Variants in RHOBTB3 observed in about 807,000 individuals in gnomAD.
RHOBTB3 encodes Rho related BTB domain containing 3, also known as rho-related BTB domain-containing protein 3.
In RHOBTB3, 47 loss-of-function variants were observed where a neutral mutation model predicts 67.2. The ratio of observed to expected loss-of-function variants is 0.70; its 90% CI spans 0.55 to 0.89. The LOEUF (loss-of-function observed/expected upper bound fraction) is 0.89. Ranked by LOEUF, RHOBTB3 falls within the 40% of genes least tolerant of loss-of-function variation. The probability of loss-of-function intolerance (pLI) is 0.00; values close to 1 mark genes in which losing one functional copy is unlikely to be tolerated. For synonymous variants in RHOBTB3, 273 were observed against 274.2 expected (o/e 1.00, Z 0.04); for missense variants, 631 against 750.0 (o/e 0.84, Z 1.85).
intron 8 of RHOBTB3, 112 bp from the exon 9 acceptor site, chr5:95,780,140 T>G: frequency 1.4e-6 from 1 of 729,824 alleles, no homozygotes; most frequent in South Asian, 2.2e-5. Context: ...ATTCAGATTC[T>G]GCATATCAGC....
chr5:95,755,661 T>G lies in RHOBTB3; in HGVS notation c.948T>G (p.Gly316=), dbSNP rs1253253021. ...FAINRDTAFP[G]ASHESSGNPP... The stretch of plus-strand genomic sequence containing the variant: ...TAAACAGAGATACTGCATTTCCAGG[T>G]GCTAGCCATGAATCTTCAGGCAACC... The change falls in exon 6 of 12, where the codon GGT becomes GGG. Residue 316 remains glycine (G), a synonymous_variant. Transcript: ENST00000379982. 1 of 1,614,202 alleles carries G rather than the reference T, an allele frequency of 6.2e-7. No homozygotes were observed. Among genetic ancestry groups the G allele is most frequent in the Non-Finnish European group, 8.5e-7 (1 of 1,180,036 alleles).
chr5:95,753,223 T>G lies in RHOBTB3; in HGVS notation c.682+873T>G, dbSNP rs574317938. On this transcript the variant is annotated intron_variant, in intron 5 of 11. Coordinates refer to ENST00000379982, the MANE Select transcript of RHOBTB3 (RefSeq NM_014899.4). The stretch of plus-strand genomic sequence containing the variant: ...TTCAGCTGTGTGTATGTGTGTGTGT[T>G]GATGTGTGGATGTGTGTGTGTGTGT... Among the ~76,000 whole-genome samples the G allele has an allele frequency of 9.1e-4, 125 of 136,672 alleles. No homozygotes were observed. The East Asian group carries it at 0.01, about 11-fold the overall frequency. The allele number at this position is 136,672 out of a possible 152,430, so 89.7% of individuals were successfully genotyped here.
At chr5:95,791,914 A>G (rs1341196532) in intron 11 of RHOBTB3, among the ~76,000 whole-genome samples, 1 of 152,058 alleles carries the variant, frequency 6.6e-6, no homozygotes, top group Non-Finnish European at 1.5e-5. Flanking sequence ...TAGAATGCCT[A>G]ACTGTCTGGG....
intron 3 of RHOBTB3, among the ~76,000 whole-genome samples, chr5:95,741,150 A>G (rs2042186): frequency 0.049 from 7,521 of 152,042 alleles, 270 homozygotes; most frequent in Non-Finnish European, 0.073. Flanking sequence ...AACACGGTGA[A>G]ACCCGGTCTC....
At chr5:95,779,182 T>C (rs1745978438) in intron 8 of RHOBTB3, among the ~76,000 whole-genome samples, 2 of 152,228 alleles carry the variant, frequency 1.3e-5, no homozygotes, top group Admixed American at 6.5e-5. Context: ...GTGGGTAAAC[T>C]CTTGGGCAGG....
intron 3 of RHOBTB3, 121 bp from the exon 4 acceptor site, chr5:95,748,212 T>C (rs1471720331): frequency 3.3e-6 from 2 of 598,032 alleles, no homozygotes; most frequent in South Asian, 5.9e-5. Context: ...GTGGATATAC[T>C]GAATGCTTTT....
chr5:95,788,740 T>A (rs1746293662), intron 10 of RHOBTB3, 22 bp from the exon 11 acceptor site: 1 of 1,511,180 alleles, frequency 6.6e-7, no homozygotes, highest in African/African-American at 1.4e-5. Flanking sequence ...CAATATTATT[T>A]CACTTTTCAT....
At chr5:95,784,438 G>A (rs1390840342) in intron 10 of RHOBTB3, among the ~76,000 whole-genome samples, 1 of 152,152 alleles carries the variant, frequency 6.6e-6, no homozygotes, top group African/African-American at 2.4e-5. Context: ...GTTGTATGTA[G>A]GAGATATTGG....
chr5:95,752,102 T>TA, intron 4 of RHOBTB3, 137 bp from the exon 5 acceptor site: 1 of 586,844 alleles, frequency 1.7e-6, no homozygotes, highest in Non-Finnish European at 3.0e-6. Context: ...AAACATTGTT[T>TA]ATATGTGTTT....
intron 2 of RHOBTB3, chr5:95,732,433 C>T (rs1755315257): frequency 1.9e-6 from 1 of 533,934 alleles, no homozygotes; most frequent in Non-Finnish European, 3.3e-6. Context: ...TTTTTTATGT[C>T]TACCCTATGG....
chr5:95,783,971 A>G lies in RHOBTB3; in HGVS notation c.1623+8A>G, dbSNP rs1561456541. On this transcript the variant is annotated splice_region_variant and intron_variant, in intron 10 of 11. Transcript: ENST00000379982. Reference sequence around the variant, plus strand: ...CTGCTTAAAAAGGCCAAGGTAATTGACTCTGTGTATCTGATAGCCTAGTTT... The same window carrying G: ...CTGCTTAAAAAGGCCAAGGTAATTGGCTCTGTGTATCTGATAGCCTAGTTT... 6.3e-7 allele frequency: 1 copy of G among 1,599,290 alleles called. No homozygotes were observed. The highest frequency in any genetic ancestry group is 1.1e-5 in the South Asian group (1 of 88,606).
In RHOBTB3 at chr5:95,794,597, C is replaced by G. The variant is rs1746517068; in HGVS notation, c.*1423C>G. Reference sequence around the variant, plus strand: ...TAGAGAAATAATTATATCAGAAACTCACAAACCTAGACATGGAAAAACAGA... The same window carrying G: ...TAGAGAAATAATTATATCAGAAACTGACAAACCTAGACATGGAAAAACAGA... On this transcript the variant is annotated 3_prime_UTR_variant, in exon 12 of 12. Coordinates refer to ENST00000379982, the MANE Select transcript of RHOBTB3 (RefSeq NM_014899.4). 1 of 152,230 alleles carries G rather than the reference C, an allele frequency of 6.6e-6. No homozygotes were observed. The highest frequency in any genetic ancestry group is 1.5e-5 in the Non-Finnish European group (1 of 68,074). 9.4% of individuals were successfully genotyped at this position (152,230 alleles called of 1,614,324 possible).
intron 8 of RHOBTB3, chr5:95,769,600 A>AAC (rs1193389199): frequency 5.9e-6 from 1 of 168,658 alleles, no homozygotes; most frequent in Non-Finnish European, 1.3e-5. Flanking sequence ...ACGGTGGAAA[A>AAC]ACACTGAATG....
At chr5:95,731,804 A>T in intron 1 of RHOBTB3, 55 bp from the exon 2 acceptor site, 1 of 1,601,880 alleles carries the variant, frequency 6.2e-7, no homozygotes, top group South Asian at 1.1e-5. Context: ...TTCCGAGGAG[A>T]GACCCGCGCG....
rs1309792844 is a variant in RHOBTB3 at position 95,780,370 on chromosome 5, C to G, written c.1401C>G (p.Ser467=). 1 of 1,614,050 alleles carries G rather than the reference C, an allele frequency of 6.2e-7. No individual in the cohort carries two copies. Residue 467 remains serine, a synonymous_variant, in exon 9 of 12, where the codon TCC becomes TCG. Transcript: ENST00000379982. ...KSVLIPVYGV[S]KETFLSFLEY... is the part of the protein sequence containing the mutation. ...TCCTGATTCCCGTTTATGGTGTTTC[C>G]AAAGAGACTTTCTTGTCATTTTTAG...
At chr5:95,779,110 A>G (rs1044376678) in intron 8 of RHOBTB3, among the ~76,000 whole-genome samples, 4 of 152,206 alleles carry the variant, frequency 2.6e-5, no homozygotes, top group East Asian at 1.9e-4. Flanking sequence ...GAAGAACCCA[A>G]TAATTGTAAA....
intron 1 of RHOBTB3, among the ~76,000 whole-genome samples, chr5:95,724,833 G>A (rs449732): frequency 0.5 from 75,466 of 151,874 alleles, 19,437 homozygotes; most frequent in East Asian, 0.91. Context: ...AATTAAATGA[G>A]TCAAAATTTG....
chr5:95,763,605 A>G lies in RHOBTB3; in HGVS notation c.1146A>G (p.Leu382=), dbSNP rs539979625. The G allele has an allele frequency of 6.3e-7, 1 of 1,595,170 alleles. No homozygotes were observed. The highest frequency in any genetic ancestry group is 2.2e-5 in the East Asian group (1 of 44,658). The change falls in exon 7 of 12, where the codon TTA becomes TTG. Residue 382 remains leucine, a synonymous_variant. Coordinates refer to ENST00000379982, the MANE Select transcript of RHOBTB3 (RefSeq NM_014899.4). The part of the protein sequence containing the change: ...SNVIEKVKCI[L]KTPGKINCLR... ...TAATCGAGAAAGTTAAATGCATTTTAAAAACACCAGGAAAGGTAAGTTGAT... is the reference window on the plus strand; with the variant it reads ...TAATCGAGAAAGTTAAATGCATTTTGAAAACACCAGGAAAGGTAAGTTGAT...
chr5:95,788,693 G>A (rs1028241021), intron 10 of RHOBTB3, 69 bp from the exon 11 acceptor site: 46 of 1,032,880 alleles, frequency 4.5e-5, no homozygotes, highest in East Asian at 3.4e-4. Context: ...CTCCCAGGCC[G>A]TTCTCTTGAT....
Sources: gnomAD v4.1 joint callset for allele counts (sites outside exome capture counted in the v4.1 genomes callset) on GRCh38, gnomAD v4.1.1 for gene constraint, MANE v1.5 for transcripts, NCBI Gene and HGNC (gene_info 2026-07-23, HGNC 2026-07-21) for gene names.